The following GPR89B variants were observed in gnomAD, a reference collection of about 807,000 sequenced individuals.
GPR89B encodes G protein-coupled receptor 89B.
GPR89B carries 25 observed loss-of-function variants against 52.4 expected under a neutral mutation model. The observed-to-expected ratio is 0.48, with a 90% CI of 0.35 to 0.67. The LOEUF is 0.67. Ranked by LOEUF, GPR89B falls within the 30% of genes least tolerant of loss-of-function variation. The probability of loss-of-function intolerance (pLI) is 0.01; values close to 1 mark genes in which losing one functional copy is unlikely to be tolerated. For missense variants in GPR89B, 146 were observed against 450.2 expected (o/e 0.32, Z 6.11); for synonymous variants, 52 against 151.2 (o/e 0.34, Z 4.81).
the GPR89B span, among the ~76,000 whole-genome samples, chr1:148,013,030 G>T: frequency 1.3e-3 from 202 of 152,198 alleles, 1 homozygote; most frequent in African/African-American, 4.7e-3. Context: ...CAATACTGAT[G>T]ATTCAGATGA....
intron 12 of GPR89B, among the ~76,000 whole-genome samples, chr1:147,991,604 C>G (rs1368040497): frequency 2.0e-5 from 3 of 152,000 alleles, no homozygotes; most frequent in Non-Finnish European, 4.4e-5. Flanking sequence ...ATAGCTCTTA[C>G]GATTTCGAGA....
At chr1:147,936,341 C>T (rs1441757889) in intron 1 of GPR89B, among the ~76,000 whole-genome samples, 3 of 152,194 alleles carry the variant, frequency 2.0e-5, no homozygotes, top group African/African-American at 7.2e-5. Context: ...GCAAACTTCT[C>T]TGGCTCATAT....
At chr1:147,958,822 T>C (rs1233639725) in intron 7 of GPR89B, among the ~76,000 whole-genome samples, 1 of 152,002 alleles carries the variant, frequency 6.6e-6, no homozygotes, top group African/African-American at 2.4e-5. Flanking sequence ...TTTTATTAAT[T>C]TGAGTGGCTC....
chr1:147,988,379 T>C, intron 11 of GPR89B, 53 bp from the exon 12 acceptor site: 1 of 1,558,522 alleles, frequency 6.4e-7, no homozygotes, highest in Non-Finnish European at 8.8e-7. Flanking sequence ...GCTTAGCCCT[T>C]ACGTCTCTCT....
At chr1:148,016,316 A>G in the GPR89B span, among the ~76,000 whole-genome samples, 1 of 66,318 alleles carries the variant, frequency 1.5e-5, no homozygotes, top group Admixed American at 2.0e-4. Context: ...TTTTTCTGGC[A>G]GAGTATTCTA....
chr1:147,987,365 T>C (rs1470282755), intron 11 of GPR89B, among the ~76,000 whole-genome samples: 2 of 150,632 alleles, frequency 1.3e-5, no homozygotes, highest in African/African-American at 4.9e-5. Flanking sequence ...AGAAAAAATA[T>C]AAAAATTAGC....
rs1446375316 is a variant in GPR89B, at chr1:147,958,410, G to A, written c.617+4008G>A. On this transcript the variant is annotated intron_variant, in intron 7 of 13. Coordinates refer to ENST00000314163, the MANE Select transcript of GPR89B (RefSeq NM_016334.5). ...GGGTACTCATGCCTGTAACCCTAACGCTTTGAGAGGCTGAGGTCATGAGTT... is the reference window on the plus strand; with the variant it reads ...GGGTACTCATGCCTGTAACCCTAACACTTTGAGAGGCTGAGGTCATGAGTT... 3.3e-3 allele frequency among the ~76,000 whole-genome samples: 498 copies of A among 150,032 alleles called. 11 individuals are homozygous for A. In the East Asian group the frequency reaches 0.053, roughly 16 times the overall value.
chr1:147,993,586 T>C lies in GPR89B; in HGVS notation c.*669T>C, dbSNP rs1659222274. Reference sequence around the variant, plus strand: ...ACTTAGTATTATACCCTACTTTCAATTCGGTAGTGATGTTTCCTTTTTTTT... The same window carrying C: ...ACTTAGTATTATACCCTACTTTCAACTCGGTAGTGATGTTTCCTTTTTTTT... On this transcript the variant is annotated 3_prime_UTR_variant, in exon 14 of 14. Transcript: ENST00000314163. The C allele has an allele frequency of 6.3e-6, 1 of 159,326 alleles. No individual in the cohort carries two copies. The highest frequency in any genetic ancestry group is 2.4e-5 in the African/African-American group (1 of 41,556). 9.9% of individuals were successfully genotyped at this position (159,326 alleles called of 1,614,324 possible). A position where few individuals can be genotyped will look rare whatever the true frequency, so the allele number is the denominator to read the frequency against.
chr1:148,020,533 C>T, the GPR89B span, among the ~76,000 whole-genome samples: 2 of 151,068 alleles, frequency 1.3e-5, no homozygotes, highest in Admixed American at 6.6e-5. Flanking sequence ...GATTCCATTT[C>T]CGGCAAATGC....
chr1:148,003,734 A>G, the GPR89B span: 1 of 461,798 alleles, frequency 2.2e-6, no homozygotes. Flanking sequence ...TGGAGTCAGA[A>G]TGGGATGAGG....
intron 12 of GPR89B, among the ~76,000 whole-genome samples, chr1:147,990,710 C>T (rs1447451360): frequency 1.3e-5 from 2 of 151,650 alleles, no homozygotes; most frequent in Non-Finnish European, 2.9e-5. Flanking sequence ...TAGGGAATCC[C>T]TTCCCCATTT....
chr1:147,965,416 G>A (rs1426765699), intron 7 of GPR89B, among the ~76,000 whole-genome samples: 3 of 151,526 alleles, frequency 2.0e-5, no homozygotes, highest in Middle Eastern at 3.2e-3. Context: ...TTTTTCTTTG[G>A]TCCTGCTACT....
At chr1:148,018,661 T>TATC in the GPR89B span, among the ~76,000 whole-genome samples, 2 of 150,400 alleles carry the variant, frequency 1.3e-5, no homozygotes, top group Non-Finnish European at 3.0e-5. Flanking sequence ...CAGTGCACAT[T>TATC]ATTATTATTA....
chr1:147,984,737 C>T (rs1209178483), intron 10 of GPR89B, among the ~76,000 whole-genome samples: 2 of 147,558 alleles, frequency 1.4e-5, no homozygotes, highest in South Asian at 2.2e-4. Context: ...AAAATGCTTT[C>T]GAGTTTCCCT....
chr1:147,968,443 T>C (rs1172181348), intron 8 of GPR89B: 1 of 452,642 alleles, frequency 2.2e-6, no homozygotes, highest in Admixed American at 2.4e-5. Flanking sequence ...TGTCTGTAAA[T>C]CCTAGCCTAT....
At chr1:147,990,851 G>A (rs1202635282) in intron 12 of GPR89B, among the ~76,000 whole-genome samples, 8 of 151,420 alleles carry the variant, frequency 5.3e-5, no homozygotes, top group Non-Finnish European at 2.9e-5. Context: ...GGTTACTGTA[G>A]CCTTGTAGTA....
intron 5 of GPR89B, among the ~76,000 whole-genome samples, chr1:147,949,840 CAGA>C (rs1655429571): frequency 7.1e-6 from 1 of 141,510 alleles, no homozygotes; most frequent in African/African-American, 2.8e-5. Flanking sequence ...GCTTGCCGGG[CAGA>C]GGGGCTCCTC....
intron 1 of GPR89B, among the ~76,000 whole-genome samples, chr1:147,931,601 CTTTTA>C (rs1245616966): frequency 6.8e-6 from 1 of 146,256 alleles, no homozygotes. Context: ...TTTTTTTCAA[CTTTTA>C]TTTTATTTTA....
chr1:148,023,063 G>C, the GPR89B span, among the ~76,000 whole-genome samples: 1 of 151,738 alleles, frequency 6.6e-6, no homozygotes, highest in Non-Finnish European at 1.5e-5. Flanking sequence ...GTACCCAATA[G>C]CTAGTTTTTC....
Sources: allele counts gnomAD v4.1 joint callset (sites outside exome capture counted in the v4.1 genomes callset), GRCh38; gene constraint gnomAD v4.1.1; transcripts MANE v1.5; gene names NCBI Gene and HGNC (gene_info 2026-07-23, HGNC 2026-07-21).